Variants in OSBPL8 observed in about 807,000 individuals in gnomAD.
The protein encoded by OSBPL8 is oxysterol-binding protein-related protein 8.
OSBPL8 carries 59 observed loss-of-function variants against 125.5 expected under a neutral mutation model. The observed-to-expected ratio is 0.47, with a 90% confidence interval of 0.38 to 0.58. The LOEUF (loss-of-function observed/expected upper bound fraction) is 0.58, where lower values mean the gene tolerates loss of function less well. OSBPL8 is among the 20% of genes least tolerant of loss of function. The pLI, the probability that OSBPL8 is intolerant of heterozygous loss-of-function variation, is 0.00. For synonymous variants in OSBPL8, 330 were observed against 338.9 expected (o/e 0.97, Z 0.29); for missense variants, 758 against 1,047.8 (o/e 0.72, Z 3.82).
chr12:76,394,666 G>A lies in OSBPL8; in HGVS notation c.736C>T (p.Arg246Ter), dbSNP rs1953717987. The change falls in exon 9 of 24, where the codon CGA becomes TGA. Residue 246 changes from arginine (R) to a stop codon, truncating the protein, a stop_gained. Transcript: ENST00000261183. LOFTEE classifies it high-confidence loss of function. Reference sequence around the variant, plus strand: ...TTACCATCTGACTCTGAAGTAGCTCGGATGATCAAATAACTGCTAGGTAAG... The same window carrying A: ...TTACCATCTGACTCTGAAGTAGCTCAGATGATCAAATAACTGCTAGGTAAG... The part of the protein sequence containing the change: ...QPLPSSYLII[R>*]ATSESDGRCW... 3 of 1,611,846 alleles carry A rather than the reference G, an allele frequency of 1.9e-6. No homozygotes were observed. The highest frequency in any genetic ancestry group is 2.5e-6 in the Non-Finnish European group (3 of 1,179,028).
At chr12:76,413,557 A>T (rs900173727) in intron 4 of OSBPL8, among the ~76,000 whole-genome samples, 1 of 152,226 alleles carries the variant, frequency 6.6e-6, no homozygotes, top group Non-Finnish European at 1.5e-5. Flanking sequence ...TGTGTAACTT[A>T]AACTTTATAC....
At chr12:76,418,803 A>G (rs748338844) in intron 4 of OSBPL8, among the ~76,000 whole-genome samples, 2 of 152,186 alleles carry the variant, frequency 1.3e-5, no homozygotes, top group Non-Finnish European at 2.9e-5. Context: ...TCTGTGCTCC[A>G]GCCTGGGCGA....
chr12:76,508,058 C>G (rs372802818), intron 1 of OSBPL8, among the ~76,000 whole-genome samples: 2 of 151,504 alleles, frequency 1.3e-5, no homozygotes, highest in East Asian at 3.9e-4. Flanking sequence ...GTTATCCCAG[C>G]TACTCGCAAG....
chr12:76,511,050 CA>C (rs1254961218), intron 1 of OSBPL8, among the ~76,000 whole-genome samples: 1 of 152,064 alleles, frequency 6.6e-6, no homozygotes, highest in Non-Finnish European at 1.5e-5. Context: ...GTCCCTTAAA[CA>C]AAGGTATGTA....
intron 1 of OSBPL8, among the ~76,000 whole-genome samples, chr12:76,503,311 T>C (rs536910226): frequency 6.6e-6 from 1 of 152,308 alleles, no homozygotes; most frequent in African/African-American, 2.4e-5. Context: ...GATGGCCATT[T>C]TCTCCCAGAG....
At chr12:76,510,791 G>A (rs1425374444) in intron 1 of OSBPL8, among the ~76,000 whole-genome samples, 3 of 151,308 alleles carry the variant, frequency 2.0e-5, no homozygotes, top group African/African-American at 7.3e-5. Flanking sequence ...TGAGGCAGGA[G>A]AATCGCTTGA....
At chr12:76,462,733 G>A (rs1350549917) in intron 2 of OSBPL8, among the ~76,000 whole-genome samples, 1 of 152,080 alleles carries the variant, frequency 6.6e-6, no homozygotes, top group Non-Finnish European at 1.5e-5. Flanking sequence ...TTTTAGATAG[G>A]TTGGCCTAAG....
At chr12:76,515,578 G>T (rs1199566356) in intron 1 of OSBPL8, among the ~76,000 whole-genome samples, 1 of 152,166 alleles carries the variant, frequency 6.6e-6, no homozygotes. Context: ...TATAGGTATA[G>T]ATTCCTCTTC....
At chr12:76,452,754 C>T (rs1873567298) in intron 3 of OSBPL8, among the ~76,000 whole-genome samples, 1 of 152,160 alleles carries the variant, frequency 6.6e-6, no homozygotes, top group Non-Finnish European at 1.5e-5. Context: ...TACTACTCTC[C>T]TGTCACTCAC....
intron 1 of OSBPL8, among the ~76,000 whole-genome samples, chr12:76,528,907 A>T (rs1283538250): frequency 6.6e-6 from 1 of 152,038 alleles, no homozygotes; most frequent in Non-Finnish European, 1.5e-5. Flanking sequence ...ATTTCATCAA[A>T]TTTTTCACTT....
At chr12:76,415,863 C>G (rs1868586957) in intron 4 of OSBPL8, among the ~76,000 whole-genome samples, 1 of 152,040 alleles carries the variant, frequency 6.6e-6, no homozygotes, top group South Asian at 2.1e-4. Flanking sequence ...CAGTCTTTTT[C>G]CAAGAATTTT....
At chr12:76,395,173 T>C (rs1953739595) in intron 8 of OSBPL8, among the ~76,000 whole-genome samples, 1 of 152,166 alleles carries the variant, frequency 6.6e-6, no homozygotes, top group Non-Finnish European at 1.5e-5. Flanking sequence ...ATCTCCACTT[T>C]ATAACCAATG....
chr12:76,528,083 G>A (rs1331574881), intron 1 of OSBPL8, among the ~76,000 whole-genome samples: 4 of 152,122 alleles, frequency 2.6e-5, no homozygotes, highest in African/African-American at 9.7e-5. Context: ...AGCACTTTGG[G>A]AAGCCGAGGT....
At chr12:76,359,458 G>C (rs2136132463) in intron 21 of OSBPL8, among the ~76,000 whole-genome samples, 1 of 152,216 alleles carries the variant, frequency 6.6e-6, no homozygotes, top group South Asian at 2.1e-4. Context: ...ATTTTCCTTA[G>C]AATAATAACT....
chr12:76,458,408 G>C (rs1376447048), intron 3 of OSBPL8, among the ~76,000 whole-genome samples: 1 of 151,390 alleles, frequency 6.6e-6, no homozygotes, highest in East Asian at 2.0e-4. Context: ...ATGAAAAAAG[G>C]GCTAGGCACG....
Position 76,457,792 on chromosome 12 carries a change from C to T in OSBPL8, c.79+2067G>A, listed in dbSNP as rs1313138626. ...TAAAAAAGATCTCCATTTGTAAAAA[C>T]CCAGTTCCTAAGATAAAATATTTCA... On this transcript the variant is annotated intron_variant, in intron 3 of 23. Transcript: ENST00000261183. Among the ~76,000 whole-genome samples, 11 of 152,088 alleles carry T rather than the reference C, an allele frequency of 7.2e-5. 1 individual carries two copies. The South Asian group carries it at 2.3e-3, about 32-fold the overall frequency.
At chr12:76,360,157 C>CTAGT (rs1211989368) in intron 21 of OSBPL8, among the ~76,000 whole-genome samples, 3 of 152,260 alleles carry the variant, frequency 2.0e-5, no homozygotes, top group Non-Finnish European at 4.4e-5. Flanking sequence ...GAAAAGCAAG[C>CTAGT]TAGTTACTTT....
intron 4 of OSBPL8, among the ~76,000 whole-genome samples, chr12:76,419,318 C>G (rs1592647890): frequency 6.6e-6 from 1 of 152,288 alleles, no homozygotes; most frequent in East Asian, 1.9e-4. Context: ...TAACACATTG[C>G]ATTTAGGGAT....
At chr12:76,494,659 T>G (rs899989548) in intron 1 of OSBPL8, among the ~76,000 whole-genome samples, 9 of 152,158 alleles carry the variant, frequency 5.9e-5, no homozygotes, top group African/African-American at 2.2e-4. Flanking sequence ...CTGGCTCAAA[T>G]GACTAGAAGG....
Sources: allele counts gnomAD v4.1 joint callset (sites outside exome capture counted in the v4.1 genomes callset), GRCh38; gene constraint gnomAD v4.1.1; transcripts MANE v1.5; gene names NCBI Gene and HGNC (gene_info 2026-07-23, HGNC 2026-07-21).